MBD5: variants seen among roughly 807,000 people sequenced by gnomAD.
MBD5 encodes methyl-CpG binding domain protein 5.
A neutral mutation model predicts 117.3 loss-of-function variants in MBD5; 13 were observed. The ratio of observed to expected loss-of-function variants is 0.11; its 90% CI spans 0.07 to 0.18. The LOEUF is 0.18. MBD5 is among the 10% of genes least tolerant of loss of function. The probability of loss-of-function intolerance (pLI) is 1.00; values close to 1 mark genes in which losing one functional copy is unlikely to be tolerated. For missense variants in MBD5, 1,879 were observed against 2,093.8 expected (o/e 0.90, Z 2.00); for synonymous variants, 727 against 766.4 (o/e 0.95, Z 0.85).
chr2:148,142,698 T>C (rs903010193), intron 1 of MBD5, among the ~76,000 whole-genome samples: 7 of 152,052 alleles, frequency 4.6e-5, no homozygotes, highest in African/African-American at 1.7e-4. Flanking sequence ...TTCAGCAAAC[T>C]AAGAGCGAAA....
intron 8 of MBD5, chr2:148,471,615 G>GT (rs1680799665): frequency 6.6e-6 from 1 of 152,002 alleles, no homozygotes; most frequent in Non-Finnish European, 1.5e-5. Context: ...TTCCTTCCTA[G>GT]TGTTGCCATT....
At chr2:148,442,246 G>A (rs1207522443) in intron 4 of MBD5, among the ~76,000 whole-genome samples, 1 of 151,376 alleles carries the variant, frequency 6.6e-6, no homozygotes. Flanking sequence ...AGTGCTGAGG[G>A]CTTGGTATAT....
intron 3 of MBD5, among the ~76,000 whole-genome samples, chr2:148,258,469 T>TG (rs1325750979): frequency 6.6e-6 from 1 of 152,144 alleles, no homozygotes; most frequent in Non-Finnish European, 1.5e-5. Flanking sequence ...CGTACATTGG[T>TG]GGGGGACCAG....
At position 148,483,322 on chromosome 2, in the gene MBD5, C is replaced by T. The variant is rs753274698; in HGVS notation, c.2731C>T (p.Pro911Ser). ...PSNSTSNNHL[P>S]HPLNPSLLSS... Reference sequence around the variant, plus strand: ...CAACAGCACTTCAAACAACCATCTTCCACACCCCTTGAACCCCAGCCTCCT... The same window carrying T: ...CAACAGCACTTCAAACAACCATCTTTCACACCCCTTGAACCCCAGCCTCCT... The change falls in exon 9 of 14, where the codon CCA becomes TCA. Residue 911 changes from proline (P) to serine (S), a missense_variant. Pro to Ser is a moderately conservative substitution (Grantham distance 74). Transcript: ENST00000642680. The T allele has an allele frequency of 1.9e-6, 3 of 1,614,108 alleles. No homozygotes were observed. The highest frequency in any genetic ancestry group is 2.5e-6 in the Non-Finnish European group (3 of 1,179,996).
At chr2:148,319,639 C>G (rs1702236749) in intron 3 of MBD5, among the ~76,000 whole-genome samples, 1 of 152,102 alleles carries the variant, frequency 6.6e-6, no homozygotes, top group South Asian at 2.1e-4. Context: ...TTGATCAAAT[C>G]TAAGAGGTTT....
chr2:148,106,035 T>G (rs547120367), intron 1 of MBD5, among the ~76,000 whole-genome samples: 6 of 152,202 alleles, frequency 3.9e-5, no homozygotes, highest in African/African-American at 1.4e-4. Flanking sequence ...CAGTTTTACT[T>G]TTTTGTCCTA....
At chr2:148,371,465 A>G (rs937535553) in intron 4 of MBD5, among the ~76,000 whole-genome samples, 1 of 152,202 alleles carries the variant, frequency 6.6e-6, no homozygotes, top group African/African-American at 2.4e-5. Flanking sequence ...TGTTTCTGTA[A>G]TCTGAATATA....
chr2:148,328,892 T>C (rs1702552621), intron 3 of MBD5, among the ~76,000 whole-genome samples: 1 of 152,258 alleles, frequency 6.6e-6, no homozygotes, highest in South Asian at 2.1e-4. Context: ...ACAGGGCATC[T>C]TTAATTAAAG....
chr2:148,127,754 G>A (rs1335839852), intron 1 of MBD5, among the ~76,000 whole-genome samples: 1 of 152,064 alleles, frequency 6.6e-6, no homozygotes, highest in Non-Finnish European at 1.5e-5. Flanking sequence ...ACCCAGTAAT[G>A]GGATTCCTGG....
intron 3 of MBD5, among the ~76,000 whole-genome samples, chr2:148,300,700 C>G (rs75639279): frequency 0.013 from 1,924 of 152,296 alleles, 42 homozygotes; most frequent in African/African-American, 0.044. Flanking sequence ...ACTACTTACT[C>G]TCCCAGTCTC....
intron 3 of MBD5, among the ~76,000 whole-genome samples, chr2:148,333,109 A>G (rs1702701201): frequency 1.3e-5 from 2 of 151,886 alleles, no homozygotes; most frequent in South Asian, 4.2e-4. Context: ...TCTTTCATGG[A>G]TGTAGTTCTT....
chr2:148,122,147 C>T (rs1696783863), intron 1 of MBD5, among the ~76,000 whole-genome samples: 1 of 152,074 alleles, frequency 6.6e-6, no homozygotes, highest in African/African-American at 2.4e-5. Flanking sequence ...CACAAGCGAC[C>T]ATTTGAGCAC....
At chr2:148,163,275 T>C (rs1483012823) in intron 1 of MBD5, among the ~76,000 whole-genome samples, 1 of 152,208 alleles carries the variant, frequency 6.6e-6, no homozygotes, top group Non-Finnish European at 1.5e-5. Context: ...GCCTGGACTT[T>C]AGGCCCATTC....
At position 148,490,582 on chromosome 2, in the gene MBD5, C is replaced by T. The variant is rs148394839; in HGVS notation, c.4950C>T (p.Pro1650=). 7.1e-5 allele frequency: 114 copies of T among 1,614,124 alleles called. No individual in the cohort carries two copies. The highest frequency in any genetic ancestry group is 9.2e-5 in the Non-Finnish European group (109 of 1,180,014). ...DDVHNSCQQS[P]EEGKVEPEKL... is the part of the protein sequence containing the mutation. ...TTCACAATTCATGTCAACAAAGCCC[C>T]GAGGAAGGGAAGGTATACCAATCTT... Residue 1650 remains proline (P), a synonymous_variant, in exon 11 of 14, where the codon CCC becomes CCT. Coordinates refer to ENST00000642680, the MANE Select transcript of MBD5 (RefSeq NM_001378120.1).
chr2:148,212,849 C>T (rs1699459372), intron 2 of MBD5, among the ~76,000 whole-genome samples: 1 of 152,298 alleles, frequency 6.6e-6, no homozygotes. Context: ...TAAGGCATCT[C>T]ATTGACAACA....
intron 4 of MBD5, among the ~76,000 whole-genome samples, chr2:148,354,498 C>G (rs990032181): frequency 1.3e-5 from 2 of 152,180 alleles, no homozygotes; most frequent in Non-Finnish European, 2.9e-5. Flanking sequence ...GCCACATTTT[C>G]TTTATCCAGT....
chr2:148,203,686 T>C (rs937512828), intron 2 of MBD5, among the ~76,000 whole-genome samples: 6 of 152,216 alleles, frequency 3.9e-5, no homozygotes, highest in African/African-American at 1.4e-4. Context: ...CCTATGAGGA[T>C]GGCTTGTCTG....
chr2:148,255,553 A>C (rs1700568144), intron 3 of MBD5, among the ~76,000 whole-genome samples: 1 of 152,194 alleles, frequency 6.6e-6, no homozygotes, highest in African/African-American at 2.4e-5. Context: ...CCCTGCCTTC[A>C]GGTGCACTAG....
At chr2:148,161,507 G>A (rs1698006264) in intron 1 of MBD5, among the ~76,000 whole-genome samples, 1 of 152,182 alleles carries the variant, frequency 6.6e-6, no homozygotes. Flanking sequence ...CACAGAGAAA[G>A]TATTTGTGGA....
Sources: gnomAD v4.1 joint callset for allele counts (sites outside exome capture counted in the v4.1 genomes callset) on GRCh38, gnomAD v4.1.1 for gene constraint, MANE v1.5 for transcripts, NCBI Gene and HGNC (gene_info 2026-07-23, HGNC 2026-07-21) for gene names.